The following TBCE variants were observed in gnomAD, a reference collection of about 807,000 sequenced individuals.
The protein encoded by TBCE is tubulin folding cofactor E.
In TBCE, 53 loss-of-function variants were observed where a neutral mutation model predicts 77.0. The ratio of observed to expected loss-of-function variants is 0.69; its 90% CI spans 0.55 to 0.87. TBCE has a LOEUF of 0.87. TBCE is among the 40% of genes least tolerant of loss of function. The pLI is 0.00. For synonymous variants in TBCE, 235 were observed against 241.3 expected, an observed-to-expected ratio of 0.97 and a Z score of 0.24; for missense variants, 624 against 622.4, an observed-to-expected ratio of 1.00 and a Z score of -0.03.
chr1:235,400,488 C>T (rs1572363822), intron 2 of TBCE, among the ~76,000 whole-genome samples: 1 of 147,820 alleles, frequency 6.8e-6, no homozygotes, highest in East Asian at 2.0e-4. Context: ...GCAACCTCCG[C>T]CTTCCGGGTT....
rs10667524 is a variant in TBCE, at chr1:235,438,552, T to TAAA, written c.1117-208_1117-206dup. 0.73 allele frequency among the ~76,000 whole-genome samples: 107,046 copies of TAAA among 145,932 alleles called. 40,158 individuals are homozygous for TAAA. Among genetic ancestry groups the TAAA allele is most frequent in the African/African-American group, 0.93 (36,577 of 39,534 alleles). ...GACACAGCGAGACTCCATCTCAAAT[T>TAAA]AAAAAAAAAAAGAGTGTAAAACTGA... On this transcript the variant is annotated intron_variant, in intron 12 of 16. Transcript: ENST00000642610.
At chr1:235,405,152 G>A (rs920799860) in intron 3 of TBCE, among the ~76,000 whole-genome samples, 3 of 151,416 alleles carry the variant, frequency 2.0e-5, no homozygotes, top group Non-Finnish European at 4.4e-5. Context: ...TAGTGGAGAC[G>A]GGGTTTCGCC....
At chr1:235,372,155 TATTTTAA>T (rs1212274224) in intron 1 of TBCE, among the ~76,000 whole-genome samples, 1 of 152,130 alleles carries the variant, frequency 6.6e-6, no homozygotes, top group African/African-American at 2.4e-5. Context: ...CTGATTTTTA[TATTTTAA>T]TTTTTAATTT....
chr1:235,419,977 C>T (rs184770954), intron 5 of TBCE, among the ~76,000 whole-genome samples: 1 of 152,106 alleles, frequency 6.6e-6, no homozygotes, highest in Non-Finnish European at 1.5e-5. Context: ...CCCAGCCACT[C>T]AGGAGGCTGA....
At chr1:235,419,658 C>A in intron 5 of TBCE, 97 bp downstream of exon 5, 1 of 1,521,758 alleles carries the variant, frequency 6.6e-7, no homozygotes, top group Non-Finnish European at 9.0e-7. Context: ...CCAGTCTTGA[C>A]AACTTCCTTC....
In TBCE at chr1:235,371,741, C is replaced by T. The variant is rs192172340; in HGVS notation, c.-32+4237C>T. ...AGGCTGGAGTGCAATGGCACGATCTCGGCTCACTACAACCTCCACTTCCCG... is the reference window on the plus strand; with the variant it reads ...AGGCTGGAGTGCAATGGCACGATCTTGGCTCACTACAACCTCCACTTCCCG... On this transcript the variant is annotated intron_variant, in intron 1 of 16. Coordinates refer to ENST00000642610, the MANE Select transcript of TBCE (RefSeq NM_003193.5). 6.7e-3 allele frequency among the ~76,000 whole-genome samples: 1,014 copies of T among 150,598 alleles called. 5 individuals carry two copies. The highest frequency in any genetic ancestry group is 0.012 in the Non-Finnish European group (795 of 67,624).
intron 5 of TBCE, among the ~76,000 whole-genome samples, chr1:235,419,938 A>AG (rs1262330191): frequency 6.6e-6 from 1 of 152,076 alleles, no homozygotes; most frequent in African/African-American, 2.4e-5. Context: ...TACAAAAATT[A>AG]GCCGGGTGTG....
rs537411288 is a variant in TBCE at position 235,436,815 on chromosome 1, G to A, written c.963+207G>A. Among the ~76,000 whole-genome samples the A allele has an allele frequency of 1.1e-3, 174 of 152,234 alleles. 5 individuals are homozygous for A. The South Asian group carries it at 0.034, about 30-fold the overall frequency. On this transcript the variant is annotated intron_variant, in intron 11 of 16. Coordinates refer to ENST00000642610, the MANE Select transcript of TBCE (RefSeq NM_003193.5). ...ACTTAAGTGGACTTCACACTTAAAT[G>A]GCACATTAATAGAGTAAAAGGGGCC...
rs11807563 is a variant in TBCE, at chr1:235,452,103, C to G, written c.*3341C>G. 2 of 152,310 alleles carry G rather than the reference C, an allele frequency of 1.3e-5. No homozygotes were observed. The highest frequency in any genetic ancestry group is 2.9e-5 in the Non-Finnish European group (2 of 68,106). The allele number at this position is 152,310 out of a possible 1,614,324, so 9.4% of individuals were successfully genotyped here. A position where few individuals can be genotyped will look rare whatever the true frequency, so the allele number is the denominator to read the frequency against. ...TCTTGGCTCACTGCAAGCTCTGCCC[C>G]CCGGGTTCATGCCATTCTCCTGCCT... On this transcript the variant is annotated 3_prime_UTR_variant, in exon 17 of 17. Coordinates refer to ENST00000642610, the MANE Select transcript of TBCE (RefSeq NM_003193.5).
Position 235,448,687 on chromosome 1 carries a change from C to T in TBCE, c.1509C>T (p.Ile503=), listed in dbSNP as rs769918946. 8 of 1,613,782 alleles carry T rather than the reference C, an allele frequency of 5.0e-6. No individual in the cohort carries two copies. The highest frequency in any genetic ancestry group is 2.7e-5 in the African/African-American group (2 of 74,884). The change falls in exon 17 of 17, where the codon ATC becomes ATT. Residue 503 remains isoleucine (I), a synonymous_variant. Coordinates refer to ENST00000642610, the MANE Select transcript of TBCE (RefSeq NM_003193.5). ...YESPKKPGRE[I]ELENDLKSLQ... is the part of the protein sequence containing the mutation. ...AATTTTAGAAGCCGGGCAGAGAAAT[C>T]GAGCTGGAAAATGACCTAAAGTCAT...
At chr1:235,382,202 T>C (rs1677715866) in intron 2 of TBCE, among the ~76,000 whole-genome samples, 1 of 151,616 alleles carries the variant, frequency 6.6e-6, no homozygotes, top group Non-Finnish European at 1.5e-5. Context: ...ATTTTCTTAA[T>C]CCAGTCTATC....
intron 13 of TBCE, 164 bp downstream of exon 13, chr1:235,439,086 G>T (rs1243492585): frequency 2.6e-5 from 24 of 906,142 alleles, no homozygotes; most frequent in Non-Finnish European, 3.6e-5. Flanking sequence ...CTGGGGCGAG[G>T]GCGGCAGGGC....
At chr1:235,406,829 C>CTTTTTT (rs141351182) in intron 3 of TBCE, among the ~76,000 whole-genome samples, 3 of 76,168 alleles carry the variant, frequency 3.9e-5, no homozygotes, top group East Asian at 4.4e-4. Context: ...TGCTCCTGGG[C>CTTTTTT]TTTTTTTTTT....
chr1:235,448,132 G>A (rs571533388), intron 15 of TBCE, among the ~76,000 whole-genome samples: 3 of 151,356 alleles, frequency 2.0e-5, no homozygotes, highest in African/African-American at 7.3e-5. Flanking sequence ...CCCGGGAAGC[G>A]GAGGTTGCAG....
At chr1:235,405,229 C>T (rs1264068835) in intron 3 of TBCE, among the ~76,000 whole-genome samples, 1 of 151,888 alleles carries the variant, frequency 6.6e-6, no homozygotes, top group Non-Finnish European at 1.5e-5. Context: ...TCCCAAATTG[C>T]TGAGATTATA....
intron 14 of TBCE, 140 bp from the exon 15 acceptor site, chr1:235,442,712 G>C: frequency 1.3e-6 from 1 of 751,256 alleles, no homozygotes; most frequent in East Asian, 2.7e-5. Flanking sequence ...AGGATTAATA[G>C]AAAGAATTTT....
intron 2 of TBCE, among the ~76,000 whole-genome samples, chr1:235,395,996 G>C (rs1385153108): frequency 1.3e-5 from 2 of 152,070 alleles, no homozygotes; most frequent in African/African-American, 2.4e-5. Context: ...GCAAATGACA[G>C]GATCTCATTA....
At chr1:235,376,504 T>C (rs1377239189) in intron 1 of TBCE, among the ~76,000 whole-genome samples, 1 of 152,190 alleles carries the variant, frequency 6.6e-6, no homozygotes, top group Non-Finnish European at 1.5e-5. Flanking sequence ...CCTAGTACTT[T>C]AATTTCTTGT....
In TBCE at chr1:235,450,381, C is replaced by T. The variant is rs1244316209; in HGVS notation, c.*1619C>T. On this transcript the variant is annotated 3_prime_UTR_variant, in exon 17 of 17. Transcript: ENST00000642610. ...CAAAGCCGATCTGAGAGTGGTGAAA[C>T]TGTTTTAAGAGCATCAGAAAGTATG... 6.2e-7 allele frequency: 1 copy of T among 1,605,912 alleles called. No individual in the cohort carries two copies. Among genetic ancestry groups the T allele is most frequent in the African/African-American group, 1.3e-5 (1 of 74,728 alleles).
Sources: allele counts gnomAD v4.1 joint callset (sites outside exome capture counted in the v4.1 genomes callset), GRCh38; gene constraint gnomAD v4.1.1; transcripts MANE v1.5; gene names NCBI Gene and HGNC (gene_info 2026-07-23, HGNC 2026-07-21).